CHODL: variants seen among roughly 807,000 people sequenced by gnomAD.
CHODL encodes the protein chondrolectin, also known as transmembrane protein MT75.
In CHODL, 29 loss-of-function variants were observed where a neutral mutation model predicts 34.5. That is an observed-to-expected ratio of 0.84 (90% CI 0.63 to 1.15). CHODL has a LOEUF of 1.15. CHODL is among the 50% of genes most tolerant of loss of function. The pLI is 0.00. For missense variants in CHODL, 332 were observed against 332.5 expected (o/e 1.00, Z 0.01); for synonymous variants, 125 against 116.1 (o/e 1.08, Z -0.49).
chr21:17,924,448 CT>C (rs1234707818), intron 1 of CHODL, among the ~76,000 whole-genome samples: 1 of 152,212 alleles, frequency 6.6e-6, no homozygotes, highest in East Asian at 1.9e-4. Context: ...GAGATCACAA[CT>C]GTGTCACCAT....
intron 1 of CHODL, among the ~76,000 whole-genome samples, chr21:17,980,677 T>C (rs1488782559): frequency 6.6e-6 from 1 of 152,164 alleles, no homozygotes; most frequent in East Asian, 1.9e-4. Context: ...CACGGGTACC[T>C]GGACATTCTT....
chr21:18,265,204 CACATATATGTATGTGT>C (rs1309913490), intron 5 of CHODL, among the ~76,000 whole-genome samples: 5 of 143,856 alleles, frequency 3.5e-5, no homozygotes, highest in African/African-American at 1.4e-4. Flanking sequence ...CACACACACA[CACATATATGTATGTGT>C]ATATATATAT....
At chr21:18,079,527 T>TTA (rs2064910413) in intron 2 of CHODL, among the ~76,000 whole-genome samples, 3 of 149,366 alleles carry the variant, frequency 2.0e-5, no homozygotes. Context: ...CCATAGAATA[T>TTA]TATATATATA....
At chr21:18,198,915 T>C (rs1462069395) in intron 2 of CHODL, among the ~76,000 whole-genome samples, 2 of 152,118 alleles carry the variant, frequency 1.3e-5, no homozygotes, top group Non-Finnish European at 2.9e-5. Flanking sequence ...TGTTCTTAAA[T>C]ATACAATATT....
chr21:18,147,311 G>C (rs909621646), intron 2 of CHODL, among the ~76,000 whole-genome samples: 1 of 152,180 alleles, frequency 6.6e-6, no homozygotes, highest in African/African-American at 2.4e-5. Context: ...TGTGGAAGTA[G>C]CTAGAATCTA....
At chr21:17,945,918 C>G (rs1479338790) in intron 1 of CHODL, among the ~76,000 whole-genome samples, 1 of 152,016 alleles carries the variant, frequency 6.6e-6, no homozygotes, top group Non-Finnish European at 1.5e-5. Flanking sequence ...TTAGCAAACT[C>G]TACAAGCCTG....
intron 1 of CHODL, among the ~76,000 whole-genome samples, chr21:17,942,863 T>C (rs957534745): frequency 2.6e-5 from 4 of 152,332 alleles, no homozygotes; most frequent in South Asian, 4.1e-4. Context: ...GATTGGATCA[T>C]GGGGGTGGAA....
At chr21:17,942,730 A>G (rs1235583318) in intron 1 of CHODL, among the ~76,000 whole-genome samples, 4 of 152,210 alleles carry the variant, frequency 2.6e-5, no homozygotes, top group Admixed American at 2.0e-4. Flanking sequence ...ATTAGTCAAT[A>G]AAACCCAAAT....
Position 18,251,548 on chromosome 21 carries a change from T to TA in CHODL, c.80-4958dup, listed in dbSNP as rs553337010. 2.5e-3 allele frequency among the ~76,000 whole-genome samples: 76 copies of TA among 30,858 alleles called. 16 individuals are homozygous for TA. Among genetic ancestry groups the TA allele is most frequent in the African/African-American group, 0.017 (59 of 3,478 alleles). 20.2% of individuals were successfully genotyped at this position (30,858 alleles called of 152,430 possible). A position where few individuals can be genotyped will look rare whatever the true frequency, so the allele number is the denominator to read the frequency against. On this transcript the variant is annotated intron_variant, in intron 1 of 5. Coordinates refer to ENST00000299295, the MANE Select transcript of CHODL (RefSeq NM_024944.3). Reference sequence around the variant, plus strand: ...TTATTTTATTTATTATTTTAATATATAAATATTTATTTTATTTATTTATTT... The same window carrying TA: ...TTATTTTATTTATTATTTTAATATATAAAATATTTATTTTATTTATTTATTT...
upstream of CHODL, among the ~76,000 whole-genome samples, chr21:18,240,148 T>C (rs1030465851): frequency 1.3e-5 from 2 of 152,024 alleles, no homozygotes; most frequent in Admixed American, 6.5e-5. Flanking sequence ...TAAATATTGA[T>C]CAGAATATAT....
intron 2 of CHODL, among the ~76,000 whole-genome samples, chr21:18,089,358 A>C (rs796220288): frequency 6.6e-6 from 1 of 152,048 alleles, no homozygotes. Flanking sequence ...CATAACATTT[A>C]TGTGTCATTT....
rs187980667 is a variant in CHODL at position 18,003,771 on chromosome 21, A to G, written c.-144-24101A>G. ...GGACTGAGACCTAGAACCCAAGAGCAGTTCTGTCAGATCGTTCCAGCACAG... is the reference window on the plus strand; with the variant it reads ...GGACTGAGACCTAGAACCCAAGAGCGGTTCTGTCAGATCGTTCCAGCACAG... On this transcript the variant is annotated intron_variant, in intron 1 of 6. Transcript: ENST00000400127. Among the ~76,000 whole-genome samples, 110 of 152,336 alleles carry G rather than the reference A, an allele frequency of 7.2e-4. 1 individual carries two copies. The highest frequency in any genetic ancestry group is 2.5e-3 in the South Asian group (12 of 4,828).
At chr21:18,129,712 A>C (rs2072628905) in intron 2 of CHODL, among the ~76,000 whole-genome samples, 1 of 152,206 alleles carries the variant, frequency 6.6e-6, no homozygotes. Context: ...TATTTATCAA[A>C]TTCTCCCTGT....
chr21:18,111,192 A>G (rs962863698), intron 2 of CHODL, among the ~76,000 whole-genome samples: 1 of 152,190 alleles, frequency 6.6e-6, no homozygotes, highest in Non-Finnish European at 1.5e-5. Context: ...GTGACTAATA[A>G]TATATTCCCG....
chr21:17,963,009 A>G (rs561613876), intron 1 of CHODL, among the ~76,000 whole-genome samples: 1 of 151,604 alleles, frequency 6.6e-6, no homozygotes, highest in Admixed American at 6.6e-5. Flanking sequence ...GCTTGCAGTG[A>G]GCTGAGATCG....
chr21:18,183,217 T>C (rs2073402810), intron 2 of CHODL, among the ~76,000 whole-genome samples: 1 of 152,230 alleles, frequency 6.6e-6, no homozygotes, highest in Non-Finnish European at 1.5e-5. Flanking sequence ...AATACTTGTT[T>C]ATATTATATG....
chr21:18,037,625 G>T (rs1385917772), intron 2 of CHODL, among the ~76,000 whole-genome samples: 1 of 151,670 alleles, frequency 6.6e-6, no homozygotes, highest in African/African-American at 2.4e-5. Context: ...TACCATCAAA[G>T]AATTAAATCA....
chr21:17,966,394 A>G (rs1351363712), intron 1 of CHODL, among the ~76,000 whole-genome samples: 12 of 152,228 alleles, frequency 7.9e-5, no homozygotes, highest in Non-Finnish European at 2.9e-5. Flanking sequence ...AGGGGCATGC[A>G]AGAAATGGGT....
At position 18,266,136 on chromosome 21, in the gene CHODL, C is replaced by A; in HGVS notation, c.*98C>A. The A allele has an allele frequency of 6.2e-7, 1 of 1,602,994 alleles. No individual in the cohort carries two copies. ...GGAATGGCTTGAAATCACAAAGGAT[C>A]TGCAAGATGAACTGTAAGCTCCCCC... On this transcript the variant is annotated 3_prime_UTR_variant, in exon 6 of 6. Coordinates refer to ENST00000299295, the MANE Select transcript of CHODL (RefSeq NM_024944.3).
Sources: allele counts gnomAD v4.1 joint callset (sites outside exome capture counted in the v4.1 genomes callset), GRCh38; gene constraint gnomAD v4.1.1; transcripts MANE v1.5; gene names NCBI Gene and HGNC (gene_info 2026-07-23, HGNC 2026-07-21).